Variants in DOCK3 observed in about 807,000 individuals in gnomAD.
DOCK3 encodes the protein dedicator of cytokinesis protein 3.
A neutral mutation model predicts 265.6 loss-of-function variants in DOCK3; 60 were observed. The ratio of observed to expected loss-of-function variants is 0.23; its 90% CI spans 0.18 to 0.28. The LOEUF is 0.28. Among genes scored for constraint, DOCK3 ranks in the 10% least tolerant of loss-of-function variants. The probability of loss-of-function intolerance (pLI) is 1.00; values close to 1 mark genes in which losing one functional copy is unlikely to be tolerated. For synonymous variants in DOCK3, 881 were observed against 938.0 expected, an observed-to-expected ratio of 0.94 and a Z score of 1.11; for missense variants, 1,981 against 2,594.3, an observed-to-expected ratio of 0.76 and a Z score of 5.14.
intron 9 of DOCK3, among the ~76,000 whole-genome samples, chr3:51,119,162 A>G (rs1157325482): frequency 5.9e-5 from 9 of 152,064 alleles, no homozygotes; most frequent in Non-Finnish European, 1.2e-4. Flanking sequence ...AGGCCTGGGT[A>G]GTGACACAAT....
chr3:51,205,207 GAAAA>G (rs745712949), intron 12 of DOCK3, among the ~76,000 whole-genome samples: 4 of 150,910 alleles, frequency 2.7e-5, no homozygotes, highest in Non-Finnish European at 5.9e-5. Flanking sequence ...GAAAAAAAAA[GAAAA>G]AGAAGGTCCA....
At chr3:51,283,558 T>G (rs1055689770) in intron 27 of DOCK3, among the ~76,000 whole-genome samples, 1 of 152,208 alleles carries the variant, frequency 6.6e-6, no homozygotes, top group Non-Finnish European at 1.5e-5. Flanking sequence ...AGTGGACATG[T>G]GGCAGTCTGG....
chr3:51,375,896 G>C, intron 51 of DOCK3, 61 bp downstream of exon 51: 2 of 1,573,380 alleles, frequency 1.3e-6, no homozygotes, highest in Non-Finnish European at 1.7e-6. Context: ...TCTGACTCTT[G>C]TCCCTGAGTA....
At chr3:51,134,842 A>C (rs2084721413) in intron 9 of DOCK3, among the ~76,000 whole-genome samples, 1 of 152,200 alleles carries the variant, frequency 6.6e-6, no homozygotes, top group African/African-American at 2.4e-5. Context: ...AAACCTTTCC[A>C]GATTTGAATT....
chr3:50,719,278 T>TG lies in DOCK3; in HGVS notation c.37+43978_37+43979insG, dbSNP rs563074044. 6.1e-4 allele frequency among the ~76,000 whole-genome samples: 92 copies of TG among 151,774 alleles called. 1 individual carries two copies. In the South Asian group the frequency reaches 0.013, roughly 22 times the overall value. ...CAGTTTAGATATTTTCTTTTTTTTT[T>TG]TTGTTAGTTTTTATTTCATACTCAT... is the stretch of plus-strand genomic sequence containing the variant. On this transcript the variant is annotated intron_variant, in intron 1 of 52. Coordinates refer to ENST00000266037, the MANE Select transcript of DOCK3 (RefSeq NM_004947.5).
At chr3:51,151,746 C>T (rs1308281017) in intron 10 of DOCK3, among the ~76,000 whole-genome samples, 2 of 152,152 alleles carry the variant, frequency 1.3e-5, no homozygotes, top group African/African-American at 4.8e-5. Flanking sequence ...ATTTCTCCTT[C>T]ACTTATGTAG....
chr3:51,279,902 A>G (rs984014133), intron 26 of DOCK3, among the ~76,000 whole-genome samples: 3 of 152,226 alleles, frequency 2.0e-5, no homozygotes, highest in African/African-American at 7.2e-5. Flanking sequence ...CAGTAGCCCC[A>G]TGCTGCAGAG....
chr3:51,277,773 G>T lies in DOCK3; in HGVS notation c.2823+19G>T, dbSNP rs1399478080. 4.4e-6 allele frequency: 7 copies of T among 1,604,656 alleles called. No individual in the cohort carries two copies. In the Admixed American group the frequency reaches 1.0e-4, roughly 23 times the overall value. On this transcript the variant is annotated intron_variant, in intron 26 of 52. Coordinates refer to ENST00000266037, the MANE Select transcript of DOCK3 (RefSeq NM_004947.5). ...GATCACTGTTAGTAACTAACATCCA[G>T]GTTTTCTTGCCTTCTTTTCTAACCC...
intron 22 of DOCK3, among the ~76,000 whole-genome samples, chr3:51,248,694 G>A (rs1435204676): frequency 9.0e-4 from 135 of 150,732 alleles, no homozygotes; most frequent in African/African-American, 3.2e-3. Flanking sequence ...TGGCTGCCCA[G>A]TCTGGAAAGT....
intron 1 of DOCK3, among the ~76,000 whole-genome samples, chr3:50,725,820 C>G (rs2037787781): frequency 6.6e-6 from 1 of 152,090 alleles, no homozygotes; most frequent in Admixed American, 6.6e-5. Flanking sequence ...TGTCCCTCCT[C>G]AGAACTTTCT....
intron 2 of DOCK3, among the ~76,000 whole-genome samples, chr3:50,841,025 A>T (rs1389068410): frequency 1.3e-5 from 2 of 152,158 alleles, no homozygotes; most frequent in African/African-American, 4.8e-5. Context: ...TCTCCTACCC[A>T]TTGGAGCTGC....
At chr3:51,283,690 G>A (rs955282893) in intron 27 of DOCK3, among the ~76,000 whole-genome samples, 4 of 152,120 alleles carry the variant, frequency 2.6e-5, no homozygotes, top group Admixed American at 2.0e-4. Context: ...GATAATTTCA[G>A]ACAAACTCCT....
At chr3:50,714,414 G>A (rs1286449049) in intron 1 of DOCK3, among the ~76,000 whole-genome samples, 1 of 152,088 alleles carries the variant, frequency 6.6e-6, no homozygotes, top group African/African-American at 2.4e-5. Flanking sequence ...TTTAAAATGT[G>A]GCATATTCTC....
chr3:51,126,663 G>T (rs2084280155), intron 9 of DOCK3, among the ~76,000 whole-genome samples: 1 of 152,158 alleles, frequency 6.6e-6, no homozygotes, highest in South Asian at 2.1e-4. Context: ...AGAATTAGGA[G>T]CCTGATCCTG....
chr3:51,141,681 A>G (rs2085074946), intron 9 of DOCK3, among the ~76,000 whole-genome samples: 1 of 152,192 alleles, frequency 6.6e-6, no homozygotes, highest in East Asian at 1.9e-4. Flanking sequence ...GTATTTTAAA[A>G]GGATCAGTCT....
intron 51 of DOCK3, among the ~76,000 whole-genome samples, chr3:51,377,788 T>C (rs2088258729): frequency 6.6e-6 from 1 of 152,204 alleles, no homozygotes; most frequent in African/African-American, 2.4e-5. Flanking sequence ...CCCATAGCCT[T>C]CCTGCCCTAG....
intron 9 of DOCK3, among the ~76,000 whole-genome samples, chr3:51,099,807 T>A (rs889867353): frequency 6.6e-6 from 1 of 152,114 alleles, no homozygotes; most frequent in East Asian, 1.9e-4. Flanking sequence ...ATAAGTGTTA[T>A]GGAATAGAAA....
At chr3:50,849,815 G>T (rs2046276124) in intron 3 of DOCK3, among the ~76,000 whole-genome samples, 1 of 152,130 alleles carries the variant, frequency 6.6e-6, no homozygotes, top group Non-Finnish European at 1.5e-5. Flanking sequence ...TAGGCAAGGT[G>T]ACTCATGCCT....
At chr3:51,342,758 G>T (rs376550005) in intron 38 of DOCK3, among the ~76,000 whole-genome samples, 1 of 152,186 alleles carries the variant, frequency 6.6e-6, no homozygotes, top group Admixed American at 6.5e-5. Context: ...CATGGACTAG[G>T]GAGTAAAACA....
Sources: gnomAD v4.1 joint callset for allele counts (sites outside exome capture counted in the v4.1 genomes callset) on GRCh38, gnomAD v4.1.1 for gene constraint, MANE v1.5 for transcripts, NCBI Gene and HGNC (gene_info 2026-07-23, HGNC 2026-07-21) for gene names.